The following FARS2 variants were observed in gnomAD, a reference collection of about 807,000 sequenced individuals.
The protein encoded by FARS2 is phenylalanyl-tRNA synthetase 2, mitochondrial, also known as phenylalanine--tRNA ligase, mitochondrial.
Under a neutral mutation model 46.4 loss-of-function variants are expected in FARS2, and 40 were observed. That is an observed-to-expected ratio of 0.86 (90% CI 0.67 to 1.12). The LOEUF (loss-of-function observed/expected upper bound fraction) is 1.12. FARS2 is among the 50% of genes most tolerant of loss of function. The pLI, the probability that FARS2 is intolerant of heterozygous loss-of-function variation, is 0.00. For missense variants in FARS2, 513 were observed against 567.9 expected (o/e 0.90, Z 0.98); for synonymous variants, 234 against 214.9 (o/e 1.09, Z -0.78).
At chr6:5,310,355 AG>A (rs1394751374) in intron 1 of FARS2, among the ~76,000 whole-genome samples, 13 of 152,188 alleles carry the variant, frequency 8.5e-5, no homozygotes, top group African/African-American at 3.1e-4. Context: ...AAAACCTCAA[AG>A]GTCATAAACT....
At chr6:5,472,175 G>C (rs1476644253) in intron 4 of FARS2, among the ~76,000 whole-genome samples, 1 of 152,178 alleles carries the variant, frequency 6.6e-6, no homozygotes, top group African/African-American at 2.4e-5. Flanking sequence ...TGGGGCTGGG[G>C]GCTGGTGTAG....
chr6:5,479,939 T>C (rs1043389044), intron 4 of FARS2, among the ~76,000 whole-genome samples: 5 of 152,238 alleles, frequency 3.3e-5, no homozygotes, highest in Non-Finnish European at 7.3e-5. Context: ...GGCAGGACCA[T>C]TGGAAGAGTT....
At chr6:5,551,576 G>C (rs143685852) in intron 5 of FARS2, among the ~76,000 whole-genome samples, 7 of 152,262 alleles carry the variant, frequency 4.6e-5, no homozygotes, top group African/African-American at 1.4e-4. Context: ...ACAAAAATAC[G>C]TATTAGTTTC....
intron 5 of FARS2, among the ~76,000 whole-genome samples, chr6:5,548,095 G>C (rs760450481): frequency 4.6e-5 from 7 of 152,156 alleles, no homozygotes; most frequent in Non-Finnish European, 1.0e-4. Context: ...AGCAAAATCA[G>C]AAACCCCTGA....
At chr6:5,489,790 G>A (rs404181) in intron 4 of FARS2, among the ~76,000 whole-genome samples, 5,722 of 152,224 alleles carry the variant, frequency 0.038, 337 homozygotes, top group African/African-American at 0.13. Context: ...TTTATGTATA[G>A]TGAACTTACG....
intron 6 of FARS2, among the ~76,000 whole-genome samples, chr6:5,629,811 A>T (rs1419989153): frequency 6.6e-6 from 1 of 151,208 alleles, no homozygotes; most frequent in Non-Finnish European, 1.5e-5. Flanking sequence ...CTGACAATAT[A>T]AAAAAAAAGA....
chr6:5,639,444 A>G (rs1776699125), intron 6 of FARS2, among the ~76,000 whole-genome samples: 1 of 152,228 alleles, frequency 6.6e-6, no homozygotes, highest in South Asian at 2.1e-4. Context: ...TCCTAAAGAT[A>G]GGCACTCATC....
chr6:5,596,995 T>A (rs1043044616), intron 5 of FARS2, among the ~76,000 whole-genome samples: 5 of 152,158 alleles, frequency 3.3e-5, no homozygotes, highest in Non-Finnish European at 5.9e-5. Flanking sequence ...CAGGTGACAA[T>A]GTGTGAGGTG....
At chr6:5,499,296 G>A (rs988344672) in intron 4 of FARS2, among the ~76,000 whole-genome samples, 1 of 152,106 alleles carries the variant, frequency 6.6e-6, no homozygotes, top group South Asian at 2.1e-4. Flanking sequence ...TAGAAAGAAG[G>A]GAAGCAAGTC....
intron 2 of FARS2, among the ~76,000 whole-genome samples, chr6:5,383,108 C>G (rs549744833): frequency 6.6e-6 from 1 of 152,178 alleles, no homozygotes; most frequent in Non-Finnish European, 1.5e-5. Flanking sequence ...GTGACCCCGT[C>G]AAGTTGGCAC....
At chr6:5,381,503 GA>G (rs1367025845) in intron 2 of FARS2, among the ~76,000 whole-genome samples, 3 of 152,004 alleles carry the variant, frequency 2.0e-5, no homozygotes, top group Non-Finnish European at 4.4e-5. Context: ...ATTAGATTAT[GA>G]AATTTGAAGT....
chr6:5,337,153 ATG>A (rs548093210), intron 1 of FARS2, among the ~76,000 whole-genome samples: 1 of 150,354 alleles, frequency 6.7e-6, no homozygotes, highest in Non-Finnish European at 1.5e-5. Context: ...TTATATATGT[ATG>A]TGTGTGTGTA....
At chr6:5,293,911 T>TTA (rs1767671908) in intron 1 of FARS2, among the ~76,000 whole-genome samples, 1 of 152,184 alleles carries the variant, frequency 6.6e-6, no homozygotes, top group Admixed American at 6.5e-5. Context: ...AGGTGAGAAG[T>TTA]ACTGCAAAGA....
chr6:5,441,876 C>T lies in FARS2; in HGVS notation c.904+10704C>T, dbSNP rs185142476. The stretch of plus-strand genomic sequence containing the variant: ...TTGTCTTGAGCCTTTCTAAAGTTCC[C>T]TGGTGTTTTACATCCTCTTTAACAC... On this transcript the variant is annotated intron_variant, in intron 4 of 6. Coordinates refer to ENST00000274680, the MANE Select transcript of FARS2 (RefSeq NM_006567.5). Among the ~76,000 whole-genome samples the T allele has an allele frequency of 3.9e-3, 600 of 152,274 alleles. 11 individuals carry two copies. Among genetic ancestry groups the T allele is most frequent in the African/African-American group, 0.014 (573 of 41,526 alleles).
At chr6:5,675,521 C>T (rs1778719830) in intron 6 of FARS2, among the ~76,000 whole-genome samples, 1 of 152,158 alleles carries the variant, frequency 6.6e-6, no homozygotes, top group South Asian at 2.1e-4. Context: ...CTTGCCATTC[C>T]ACATGTACCC....
chr6:5,666,761 G>C (rs763045922), intron 6 of FARS2, among the ~76,000 whole-genome samples: 10 of 152,110 alleles, frequency 6.6e-5, no homozygotes, highest in Non-Finnish European at 1.5e-4. Context: ...CTATTATAAA[G>C]ACACATGCAC....
intron 2 of FARS2, among the ~76,000 whole-genome samples, chr6:5,383,237 A>T (rs1030408257): frequency 6.6e-6 from 1 of 152,226 alleles, no homozygotes; most frequent in African/African-American, 2.4e-5. Flanking sequence ...CTCCTAGTGT[A>T]CCACTTAGTC....
intron 5 of FARS2, among the ~76,000 whole-genome samples, chr6:5,585,242 T>A (rs964838241): frequency 6.6e-6 from 1 of 152,240 alleles, no homozygotes; most frequent in African/African-American, 2.4e-5. Context: ...CTGCATACCT[T>A]GTGTAATGAT....
intron 6 of FARS2, among the ~76,000 whole-genome samples, chr6:5,739,676 A>T (rs970775017): frequency 6.6e-5 from 10 of 152,220 alleles, no homozygotes; most frequent in African/African-American, 2.2e-4. Context: ...GTGTTAGAAA[A>T]TAATCTTCCT....
Sources: allele counts gnomAD v4.1 joint callset (sites outside exome capture counted in the v4.1 genomes callset), GRCh38; gene constraint gnomAD v4.1.1; transcripts MANE v1.5; gene names NCBI Gene and HGNC (gene_info 2026-07-23, HGNC 2026-07-21).